The following EML6 variants were observed in gnomAD, a reference collection of about 807,000 sequenced individuals.
EML6 encodes echinoderm microtubule-associated protein-like 6.
Under a neutral mutation model 240.1 loss-of-function variants are expected in EML6, and 154 were observed. The observed-to-expected ratio is 0.64, with a 90% CI of 0.56 to 0.73. The LOEUF (loss-of-function observed/expected upper bound fraction) is 0.73, where lower values mean the gene tolerates loss of function less well. Ranked by LOEUF, EML6 falls within the 30% of genes least tolerant of loss-of-function variation. The probability of loss-of-function intolerance (pLI) is 0.00; values close to 1 mark genes in which losing one functional copy is unlikely to be tolerated. For missense variants in EML6, 2,964 were observed against 2,474.6 expected (o/e 1.20, Z -4.20); for synonymous variants, 1,148 against 899.0 (o/e 1.28, Z -4.95).
chr2:54,806,728 G>C (rs1197880579), intron 2 of EML6, among the ~76,000 whole-genome samples: 1 of 150,434 alleles, frequency 6.6e-6, no homozygotes, highest in Non-Finnish European at 1.5e-5. Context: ...CACCTATATA[G>C]TGCTAGGTTT....
intron 22 of EML6, among the ~76,000 whole-genome samples, chr2:54,900,412 T>C (rs1048688066): frequency 6.6e-6 from 1 of 152,142 alleles, no homozygotes; most frequent in African/African-American, 2.4e-5. Context: ...AATGGGACTA[T>C]TTATATAAAG....
intron 5 of EML6, among the ~76,000 whole-genome samples, chr2:54,824,301 G>T (rs1225649988): frequency 6.6e-6 from 1 of 152,086 alleles, no homozygotes; most frequent in African/African-American, 2.4e-5. Flanking sequence ...AGCAGACTTG[G>T]ACATTTTTTC....
chr2:54,939,442 C>G (rs943334936), intron 28 of EML6, among the ~76,000 whole-genome samples: 4 of 152,336 alleles, frequency 2.6e-5, no homozygotes, highest in South Asian at 4.1e-4. Flanking sequence ...GTCATACTTG[C>G]TGTAAGTTTA....
chr2:54,892,735 A>G, intron 19 of EML6, 79 bp downstream of exon 19: 1 of 1,130,066 alleles, frequency 8.8e-7, no homozygotes, highest in East Asian at 2.6e-5. Context: ...GCCCAAGAGG[A>G]TGCCTGTATC....
chr2:54,853,902 TGTATACA>T lies in EML6; in HGVS notation c.1657+51_1657+57del, dbSNP rs1307068982. 2.0e-5 allele frequency: 25 copies of T among 1,276,130 alleles called. No individual in the cohort carries two copies. The Middle Eastern group carries it at 9.4e-4, about 48-fold the overall frequency. 79.1% of individuals were successfully genotyped at this position (1,276,130 alleles called of 1,614,324 possible). A position where few individuals can be genotyped will look rare whatever the true frequency, so the allele number is the denominator to read the frequency against. The stretch of plus-strand genomic sequence containing the variant: ...CATTGCATAAAGATTTACTCTAAAC[TGTATACA>T]GTACAATTAAGGCTGATCTTCCTGC... On this transcript the variant is annotated intron_variant, in intron 11 of 41. Coordinates refer to ENST00000356458, the MANE Select transcript of EML6 (RefSeq NM_001039753.4).
Position 54,970,168 on chromosome 2 carries a change from C to T in EML6, c.*73C>T. 6.9e-7 allele frequency: 1 copy of T among 1,452,032 alleles called. No individual in the cohort carries two copies. Among genetic ancestry groups the T allele is most frequent in the Non-Finnish European group, 9.5e-7 (1 of 1,056,550 alleles). The allele number at this position is 1,452,032 out of a possible 1,614,324, so 89.9% of individuals were successfully genotyped here. On this transcript the variant is annotated 3_prime_UTR_variant, in exon 42 of 42. Coordinates refer to ENST00000356458, the MANE Select transcript of EML6 (RefSeq NM_001039753.4). The stretch of plus-strand genomic sequence containing the variant: ...AACTGCAGAGGCCATGCTGAGGTGC[C>T]TCCTTGCCACCAGCCGTTGGGAAAT...
chr2:54,950,623 C>A, intron 29 of EML6, 27 bp from the exon 30 acceptor site: 1 of 1,550,360 alleles, frequency 6.5e-7, no homozygotes, highest in Non-Finnish European at 8.7e-7. Context: ...CTCTGAGGGT[C>A]ACATTGATCT....
intron 7 of EML6, among the ~76,000 whole-genome samples, chr2:54,843,305 G>C (rs960554793): frequency 1.3e-5 from 2 of 152,132 alleles, no homozygotes; most frequent in African/African-American, 4.8e-5. Context: ...TTGCACACCT[G>C]TAGTCCCAGT....
chr2:54,886,122 C>T (rs1003675667), intron 17 of EML6, among the ~76,000 whole-genome samples: 14 of 149,312 alleles, frequency 9.4e-5, no homozygotes, highest in Non-Finnish European at 3.0e-5. Context: ...GCATACTACA[C>T]ATTGCACAAA....
chr2:54,887,032 G>A (rs1023836941), intron 17 of EML6, among the ~76,000 whole-genome samples: 4 of 152,150 alleles, frequency 2.6e-5, no homozygotes, highest in Non-Finnish European at 5.9e-5. Flanking sequence ...CCCATTATCT[G>A]GCAATTCTAA....
chr2:54,806,612 CAAAAAAAAAAAAAAAA>C lies in EML6; in HGVS notation c.198-6603_198-6588del, dbSNP rs58185994. Among the ~76,000 whole-genome samples the C allele has an allele frequency of 1.3e-3, 67 of 52,816 alleles. 1 individual carries two copies. The highest frequency in any genetic ancestry group is 1.7e-3 in the South Asian group (2 of 1,192). The allele number at this position is 52,816 out of a possible 152,430, so 34.6% of individuals were successfully genotyped here. A position where few individuals can be genotyped will look rare whatever the true frequency, so the allele number is the denominator to read the frequency against. ...TGGGCAACAAGAGTGACTCCGTCTC[CAAAAAAAAAAAAAAAA>C]AAAAAAAAAAAAAAAAGAATGTCCG... is the stretch of plus-strand genomic sequence containing the variant. On this transcript the variant is annotated intron_variant, in intron 2 of 41. Transcript: ENST00000356458.
At chr2:54,770,379 G>T (rs1338801182) in intron 2 of EML6, among the ~76,000 whole-genome samples, 2 of 152,206 alleles carry the variant, frequency 1.3e-5, no homozygotes, top group Non-Finnish European at 2.9e-5. Context: ...TTCCAGTTCT[G>T]TTCCATGGTT....
intron 17 of EML6, among the ~76,000 whole-genome samples, chr2:54,885,713 G>A (rs748991413): frequency 1.3e-5 from 2 of 151,946 alleles, no homozygotes; most frequent in South Asian, 2.1e-4. Flanking sequence ...CCAGGTTCAC[G>A]CCATTCTCTT....
At chr2:54,773,170 C>A (rs988561405) in intron 2 of EML6, among the ~76,000 whole-genome samples, 1 of 152,216 alleles carries the variant, frequency 6.6e-6, no homozygotes, top group Non-Finnish European at 1.5e-5. Context: ...TGGCTCTCCC[C>A]TAAGGTACTA....
chr2:54,821,648 T>C (rs1668340424), intron 5 of EML6, among the ~76,000 whole-genome samples: 1 of 152,108 alleles, frequency 6.6e-6, no homozygotes, highest in Non-Finnish European at 1.5e-5. Context: ...CATAATAGAA[T>C]TTAATTTAAA....
intron 28 of EML6, 64 bp from the exon 29 acceptor site, chr2:54,948,818 C>G (rs1222124204): frequency 1.5e-6 from 2 of 1,334,826 alleles, no homozygotes; most frequent in Non-Finnish European, 1.1e-6. Context: ...ACAGGCCACA[C>G]CGGGAAGGCA....
intron 29 of EML6, among the ~76,000 whole-genome samples, chr2:54,949,596 C>CCT (rs894053540): frequency 3.3e-5 from 5 of 152,086 alleles, no homozygotes; most frequent in Non-Finnish European, 7.4e-5. Context: ...CAGACTCCAC[C>CCT]CTCTCTCTCT....
intron 3 of EML6, 70 bp downstream of exon 3, chr2:54,813,461 G>A (rs1667950613): frequency 1.6e-6 from 2 of 1,280,068 alleles, no homozygotes; most frequent in East Asian, 2.5e-5. Context: ...AATAGGAATA[G>A]CCAGTAGATT....
At chr2:54,858,680 A>C (rs1469928326) in intron 11 of EML6, among the ~76,000 whole-genome samples, 1 of 152,228 alleles carries the variant, frequency 6.6e-6, no homozygotes, top group Admixed American at 6.5e-5. Flanking sequence ...TGGTCAGAGC[A>C]TGCTCTCAAA....
Sources: gnomAD v4.1 joint callset for allele counts (sites outside exome capture counted in the v4.1 genomes callset) on GRCh38, gnomAD v4.1.1 for gene constraint, MANE v1.5 for transcripts, NCBI Gene and HGNC (gene_info 2026-07-23, HGNC 2026-07-21) for gene names.